Variants in TTLL7 observed in about 807,000 individuals in gnomAD.
TTLL7 encodes the protein tubulin polyglutamylase TTLL7.
A neutral mutation model predicts 120.2 loss-of-function variants in TTLL7; 53 were observed. The observed-to-expected ratio is 0.44, with a 90% confidence interval of 0.35 to 0.55. The LOEUF (loss-of-function observed/expected upper bound fraction) is 0.55, where lower values mean the gene tolerates loss of function less well. Among genes scored for constraint, TTLL7 ranks in the 20% least tolerant of loss-of-function variants. The pLI, the probability that TTLL7 is intolerant of heterozygous loss-of-function variation, is 0.00. For missense variants in TTLL7, 803 were observed against 1,054.7 expected, an observed-to-expected ratio of 0.76 and a Z score of 3.31; for synonymous variants, 353 against 351.7, an observed-to-expected ratio of 1.00 and a Z score of -0.04.
chr1:83,961,189 G>A (rs1241582986), intron 1 of TTLL7, among the ~76,000 whole-genome samples: 2 of 152,100 alleles, frequency 1.3e-5, no homozygotes, highest in South Asian at 2.1e-4. Context: ...TTAAACTGCT[G>A]AGCTACCATA....
At chr1:83,879,117 T>A (rs1654216533) in intron 20 of TTLL7, among the ~76,000 whole-genome samples, 1 of 151,978 alleles carries the variant, frequency 6.6e-6, no homozygotes, top group African/African-American at 2.4e-5. Flanking sequence ...CAAGTATACT[T>A]CATAAATAAA....
chr1:83,915,073 T>C (rs1327761908), intron 14 of TTLL7, among the ~76,000 whole-genome samples: 1 of 151,594 alleles, frequency 6.6e-6, no homozygotes, highest in African/African-American at 2.4e-5. Flanking sequence ...ACTGGGGAAA[T>C]GAGGGAAGGT....
chr1:83,903,360 G>T (rs1291027798), intron 18 of TTLL7, among the ~76,000 whole-genome samples: 1 of 151,960 alleles, frequency 6.6e-6, no homozygotes, highest in African/African-American at 2.4e-5. Context: ...GAAGATATCT[G>T]TATAGCATGA....
chr1:83,990,992 A>G (rs1024905769), intron 1 of TTLL7, among the ~76,000 whole-genome samples: 2 of 152,258 alleles, frequency 1.3e-5, no homozygotes, highest in African/African-American at 4.8e-5. Flanking sequence ...GTACATACTT[A>G]TAACGGAATA....
chr1:83,891,478 C>T (rs987415369), intron 18 of TTLL7, among the ~76,000 whole-genome samples: 7 of 152,042 alleles, frequency 4.6e-5, no homozygotes, highest in South Asian at 2.1e-4. Context: ...GAGTACAGAT[C>T]GGTGCACAAA....
chr1:83,889,675 T>C (rs2100724090), intron 19 of TTLL7, among the ~76,000 whole-genome samples: 1 of 152,238 alleles, frequency 6.6e-6, no homozygotes, highest in Middle Eastern at 3.4e-3. Context: ...CTGTGTCAGA[T>C]TCAACACTGT....
chr1:83,966,414 TTC>T (rs1650469224), intron 1 of TTLL7, among the ~76,000 whole-genome samples: 1 of 152,062 alleles, frequency 6.6e-6, no homozygotes, highest in Non-Finnish European at 1.5e-5. Flanking sequence ...ATATAATTGA[TTC>T]TGTTTCTATG....
chr1:83,901,430 G>A (rs1267338050), intron 18 of TTLL7, among the ~76,000 whole-genome samples: 1 of 151,706 alleles, frequency 6.6e-6, no homozygotes, highest in East Asian at 1.9e-4. Flanking sequence ...TTTCTCTATT[G>A]GTTTGAAATA....
chr1:83,991,151 T>C (rs1453326853), intron 1 of TTLL7, among the ~76,000 whole-genome samples: 2 of 152,184 alleles, frequency 1.3e-5, no homozygotes, highest in African/African-American at 4.8e-5. Flanking sequence ...GTCAAATTCA[T>C]AGAAACATAA....
Position 83,998,960 on chromosome 1 carries a change from C to A in TTLL7, c.-206G>T. On this transcript the variant is annotated 5_prime_UTR_variant, in exon 1 of 21. Transcript: ENST00000260505. ...GTGAGGAAAGCCCAGCCCGGGTCCT[C>A]GCGTCCCCGCTGCAAGCGGTCCCCC... 4.6e-6 allele frequency: 2 copies of A among 433,360 alleles called. No homozygotes were observed. Among genetic ancestry groups the A allele is most frequent in the South Asian group, 1.6e-5 (1 of 61,312 alleles). 26.8% of individuals were successfully genotyped at this position (433,360 alleles called of 1,614,324 possible).
rs540201922 is a variant in TTLL7, at chr1:83,932,652, C to T, written c.1047+956G>A. On this transcript the variant is annotated intron_variant, in intron 9 of 20. Transcript: ENST00000260505. ...GAAATGTATTTTTAGTATCATCTCA[C>T]CTACCACTCATTTAATTTGCTTATG... Among the ~76,000 whole-genome samples, 3 of 152,204 alleles carry T rather than the reference C, an allele frequency of 2.0e-5. No individual in the cohort carries two copies. In the South Asian group the frequency reaches 6.2e-4, roughly 32 times the overall value.
intron 1 of TTLL7, among the ~76,000 whole-genome samples, chr1:83,989,273 T>C (rs556345622): frequency 1.3e-5 from 2 of 152,322 alleles, no homozygotes; most frequent in South Asian, 4.1e-4. Flanking sequence ...GAAGGGTATT[T>C]CCTAGGTTTT....
intron 1 of TTLL7, among the ~76,000 whole-genome samples, chr1:83,970,728 AG>A (rs1175087850): frequency 6.6e-6 from 1 of 152,128 alleles, no homozygotes; most frequent in Non-Finnish European, 1.5e-5. Context: ...CCTTGATATG[AG>A]GATTCAAATA....
chr1:83,966,125 A>G (rs764044869), intron 1 of TTLL7, among the ~76,000 whole-genome samples: 2 of 152,148 alleles, frequency 1.3e-5, no homozygotes, highest in Non-Finnish European at 2.9e-5. Flanking sequence ...AAACTTTGAC[A>G]AAAGCAGATG....
At chr1:83,955,142 C>CT (rs1463554441) in intron 1 of TTLL7, among the ~76,000 whole-genome samples, 1 of 152,092 alleles carries the variant, frequency 6.6e-6, no homozygotes, top group African/African-American at 2.4e-5. Context: ...TTCCTGAAAG[C>CT]TTTCTCTGAT....
chr1:83,938,522 C>T (rs1444444258), intron 7 of TTLL7, among the ~76,000 whole-genome samples: 2 of 152,144 alleles, frequency 1.3e-5, no homozygotes, highest in African/African-American at 4.8e-5. Context: ...CCTCTGCACA[C>T]CCATACTGAC....
chr1:83,896,395 T>A (rs978838579), intron 18 of TTLL7, among the ~76,000 whole-genome samples: 3 of 152,076 alleles, frequency 2.0e-5, no homozygotes, highest in African/African-American at 7.2e-5. Context: ...ACAGACAAAT[T>A]CATATTTTGC....
In TTLL7 at chr1:83,952,403, A is replaced by G; in HGVS notation, c.-176-16T>C. ...AACAAGGTACCTGCAGTGATTTTAAAACAAGGTCATTTAGAAAAAACTTTT... is the reference window on the plus strand; with the variant it reads ...AACAAGGTACCTGCAGTGATTTTAAGACAAGGTCATTTAGAAAAAACTTTT... On this transcript the variant is annotated splice_polypyrimidine_tract_variant and intron_variant, in intron 1 of 20. Coordinates refer to ENST00000260505, the MANE Select transcript of TTLL7 (RefSeq NM_024686.6). The G allele has an allele frequency of 2.0e-6, 1 of 490,202 alleles. No homozygotes were observed. The highest frequency in any genetic ancestry group is 2.0e-5 in the African/African-American group (1 of 50,464). 30.4% of individuals were successfully genotyped at this position (490,202 alleles called of 1,614,324 possible). A position where few individuals can be genotyped will look rare whatever the true frequency, so the allele number is the denominator to read the frequency against.
chr1:83,952,037 C>T, intron 2 of TTLL7, 61 bp from the exon 3 acceptor site: 1 of 1,551,142 alleles, frequency 6.4e-7, no homozygotes, highest in Non-Finnish European at 8.8e-7. Context: ...CCAGACAACA[C>T]AAATACCACC....
Sources: gnomAD v4.1 joint callset for allele counts (sites outside exome capture counted in the v4.1 genomes callset) on GRCh38, gnomAD v4.1.1 for gene constraint, MANE v1.5 for transcripts, NCBI Gene and HGNC (gene_info 2026-07-23, HGNC 2026-07-21) for gene names.